The following KANSL1 variants were observed in gnomAD, a reference collection of about 807,000 sequenced individuals.
KANSL1 encodes the protein KAT8 regulatory NSL complex subunit 1, also known as MLL1/MLL complex subunit KANSL1.
KANSL1 carries 22 observed loss-of-function variants against 103.6 expected under a neutral mutation model. The ratio of observed to expected loss-of-function variants is 0.21; its 90% CI spans 0.15 to 0.30. The LOEUF (loss-of-function observed/expected upper bound fraction) is 0.30. KANSL1 is among the 10% of genes least tolerant of loss of function. The pLI, the probability that KANSL1 is intolerant of heterozygous loss-of-function variation, is 1.00. For synonymous variants in KANSL1, 600 were observed against 527.6 expected (o/e 1.14, Z -1.88); for missense variants, 1,337 against 1,399.8 (o/e 0.96, Z 0.72).
chr17:46,086,979 G>A (rs535334076), intron 3 of KANSL1, among the ~76,000 whole-genome samples: 1 of 152,234 alleles, frequency 6.6e-6, no homozygotes, highest in Non-Finnish European at 1.5e-5. Flanking sequence ...TGTTGCCAAG[G>A]CTGGTTGCAA....
At chr17:46,099,556 C>A (rs1178996853) in intron 2 of KANSL1, among the ~76,000 whole-genome samples, 1 of 152,204 alleles carries the variant, frequency 6.6e-6, no homozygotes, top group Non-Finnish European at 1.5e-5. Context: ...ACTTTAAATA[C>A]AATGAGGACT....
upstream of KANSL1, chr17:46,196,324 T>C (rs1237077603): frequency 2.2e-6 from 1 of 456,336 alleles, no homozygotes; most frequent in Admixed American, 2.3e-5. Flanking sequence ...ATCCACTCTA[T>C]TCTGATTAGT....
At chr17:46,175,144 T>C (rs2532262) in intron 1 of KANSL1, among the ~76,000 whole-genome samples, 21,938 of 152,118 alleles carry the variant, frequency 0.14, 2,136 homozygotes, top group Middle Eastern at 0.22. Context: ...AAAATGCTTA[T>C]CTTTGGAGCA....
chr17:46,067,907 T>C (rs1258024196), intron 4 of KANSL1, among the ~76,000 whole-genome samples: 1 of 152,112 alleles, frequency 6.6e-6, no homozygotes, highest in Non-Finnish European at 1.5e-5. Context: ...ACCAGGAGTT[T>C]TGAGACCAGC....
chr17:46,133,178 T>C (rs1322702151), intron 2 of KANSL1, among the ~76,000 whole-genome samples: 1 of 152,152 alleles, frequency 6.6e-6, no homozygotes, highest in Non-Finnish European at 1.5e-5. Context: ...CGGCTCAATT[T>C]TTAATGGGCA....
At chr17:46,072,616 C>A (rs984912290) in intron 4 of KANSL1, among the ~76,000 whole-genome samples, 1 of 152,058 alleles carries the variant, frequency 6.6e-6, no homozygotes, top group Admixed American at 6.6e-5. Context: ...AGTATACTAG[C>A]CATTTCCATT....
intron 6 of KANSL1, among the ~76,000 whole-genome samples, chr17:46,053,141 T>C (rs1440220290): frequency 1.3e-5 from 2 of 151,378 alleles, no homozygotes; most frequent in African/African-American, 4.9e-5. Flanking sequence ...TACAAAAAAC[T>C]GGGCATGGTG....
intron 2 of KANSL1, among the ~76,000 whole-genome samples, chr17:46,125,270 C>G (rs1405655691): frequency 6.6e-6 from 1 of 152,102 alleles, no homozygotes; most frequent in East Asian, 1.9e-4. Context: ...TTTCTTTTAG[C>G]AATAAATATT....
chr17:46,038,656 G>C lies in KANSL1; in HGVS notation c.2423C>G (p.Ser808Trp). The C allele has an allele frequency of 6.2e-7, 1 of 1,614,148 alleles. No individual in the cohort carries two copies. Among genetic ancestry groups the C allele is most frequent in the Non-Finnish European group, 8.5e-7 (1 of 1,180,040 alleles). Reference sequence around the variant, plus strand: ...ATGGTGGGTGGCTGCCAAGTAGCTCGAACTGCTCATGTCTGTGTGATGCTT... The same window carrying C: ...ATGGTGGGTGGCTGCCAAGTAGCTCCAACTGCTCATGTCTGTGTGATGCTT... ...VLKHHTDMSS[S>W]SYLAATHHPP... is the part of the protein sequence containing the mutation. Residue 808 changes from serine (S) to tryptophan (W), a missense_variant, in exon 10 of 15, where the codon TCG becomes TGG. Ser to Trp is a radical substitution (Grantham distance 177, BLOSUM62 -3). Coordinates refer to ENST00000432791, the MANE Select transcript of KANSL1 (RefSeq NM_015443.4).
At position 46,094,721 on chromosome 17, in the gene KANSL1, G is replaced by A. The variant is rs373424916; in HGVS notation, c.1290-20C>T. 5.8e-5 allele frequency: 94 copies of A among 1,614,004 alleles called. No homozygotes were observed. Among genetic ancestry groups the A allele is most frequent in the Non-Finnish European group, 8.0e-5 (94 of 1,179,978 alleles). ...CGTCTCCTAAAAGGAAATAAACTGA[G>A]TGAAATCCAAGAGTAGCAGTAATAT... On this transcript the variant is annotated intron_variant, in intron 2 of 14. Coordinates refer to ENST00000432791, the MANE Select transcript of KANSL1 (RefSeq NM_015443.4).
intron 7 of KANSL1, among the ~76,000 whole-genome samples, chr17:46,048,489 C>G (rs911109074): frequency 3.3e-5 from 5 of 152,042 alleles, no homozygotes; most frequent in African/African-American, 4.8e-5. Flanking sequence ...ACTGCTTGAA[C>G]CCAGGAGGTG....
chr17:46,045,440 A>AAAAAAAAAAAAATATATAT (rs950085495), intron 7 of KANSL1: 8 of 144,858 alleles, frequency 5.5e-5, no homozygotes, highest in African/African-American at 2.0e-4. Context: ...TACATGTAAA[A>AAAAAAAAAAAAATATATAT]ATATATATAT....
In KANSL1 at chr17:46,189,693, G is replaced by C. The variant is rs1385021810; in HGVS notation, c.-90+3130C>G. Among the ~76,000 whole-genome samples the C allele has an allele frequency of 4.6e-5, 7 of 152,070 alleles. No homozygotes were observed. In the East Asian group the frequency reaches 1.4e-3, roughly 29 times the overall value. ...GAGGTCAGGAGTTCGAGACCAGCCT[G>C]GCCAACATGGTGAAACCCCCGTCTC... On this transcript the variant is annotated intron_variant, in intron 1 of 14. Transcript: ENST00000432791.
At chr17:46,125,475 G>C (rs1389170741) in intron 2 of KANSL1, among the ~76,000 whole-genome samples, 1 of 152,154 alleles carries the variant, frequency 6.6e-6, no homozygotes, top group Non-Finnish European at 1.5e-5. Context: ...TCTGAGGTAT[G>C]GCTGTATTTT....
At chr17:46,039,932 T>A (rs2077263655) in intron 7 of KANSL1, 48 bp from the exon 8 acceptor site, 1 of 1,568,136 alleles carries the variant, frequency 6.4e-7, no homozygotes, top group Non-Finnish European at 8.8e-7. Context: ...ACCTGGCCTC[T>A]CTAGTGTTCA....
At chr17:46,202,365 G>A (rs2047833199) in intron 1 of KANSL1, among the ~76,000 whole-genome samples, 1 of 152,160 alleles carries the variant, frequency 6.6e-6, no homozygotes. Flanking sequence ...TCGGATAAGG[G>A]ATATTCAATG....
intron 1 of KANSL1, among the ~76,000 whole-genome samples, chr17:46,185,700 C>CAT (rs879916229): frequency 4.2e-5 from 3 of 71,664 alleles, no homozygotes; most frequent in Non-Finnish European, 1.1e-4. Flanking sequence ...TATACACACA[C>CAT]ACACACACAC....
chr17:46,096,316 T>TC (rs1295745545), intron 2 of KANSL1, among the ~76,000 whole-genome samples: 2 of 97,202 alleles, frequency 2.1e-5, no homozygotes, highest in African/African-American at 3.0e-5. Context: ...TTTTTCTTTT[T>TC]TTTTTTTTTT....
intron 2 of KANSL1, among the ~76,000 whole-genome samples, chr17:46,126,303 G>A (rs1389879509): frequency 7.2e-5 from 11 of 152,116 alleles, no homozygotes; most frequent in Admixed American, 6.6e-5. Context: ...TTAGCTGGGC[G>A]TGGTGATGGG....
Sources: gnomAD v4.1 joint callset for allele counts (sites outside exome capture counted in the v4.1 genomes callset) on GRCh38, gnomAD v4.1.1 for gene constraint, MANE v1.5 for transcripts, NCBI Gene and HGNC (gene_info 2026-07-23, HGNC 2026-07-21) for gene names.